TCF12: variants seen among roughly 807,000 people sequenced by gnomAD.
TCF12 encodes the protein transcription factor 12.
In TCF12, 45 loss-of-function variants were observed where a neutral mutation model predicts 86.0. The ratio of observed to expected loss-of-function variants is 0.52; its 90% CI spans 0.41 to 0.67. The LOEUF (loss-of-function observed/expected upper bound fraction) is 0.67. Among genes scored for constraint, TCF12 ranks in the 30% least tolerant of loss-of-function variants. TCF12 has a pLI of 0.00. For synonymous variants in TCF12, 330 were observed against 299.6 expected (o/e 1.10, Z -1.05); for missense variants, 881 against 859.9 (o/e 1.02, Z -0.31).
rs539031767 is a variant in TCF12 at position 56,940,917 on chromosome 15, C to CTT, written c.148+19834_148+19835dup. ...GTGTGCGTGACCATGCCCAGCTGCT[C>CTT]TTTTTTTTTTTTTTTTCTTTTTGGG... On this transcript the variant is annotated intron_variant, in intron 3 of 20. Coordinates refer to ENST00000333725, the MANE Select transcript of TCF12 (RefSeq NM_207037.2). Among the ~76,000 whole-genome samples the CTT allele has an allele frequency of 1.8e-3, 247 of 134,430 alleles. 1 individual carries two copies. The highest frequency in any genetic ancestry group is 2.1e-3 in the Non-Finnish European group (131 of 62,988). The allele number at this position is 134,430 out of a possible 152,430, so 88.2% of individuals were successfully genotyped here.
chr15:57,015,313 A>T (rs916402917), intron 3 of TCF12, among the ~76,000 whole-genome samples: 2 of 152,124 alleles, frequency 1.3e-5, no homozygotes, highest in Non-Finnish European at 2.9e-5. Flanking sequence ...ACCAAAATTC[A>T]GATGCTTTAA....
intron 3 of TCF12, among the ~76,000 whole-genome samples, chr15:56,979,223 G>C (rs867116098): frequency 1.3e-5 from 2 of 152,012 alleles, no homozygotes; most frequent in African/African-American, 2.4e-5. Context: ...GAAGCTACTG[G>C]ACAAAGTTTA....
intron 6 of TCF12, among the ~76,000 whole-genome samples, chr15:57,187,505 G>A (rs2056742568): frequency 6.6e-6 from 1 of 152,118 alleles, no homozygotes; most frequent in South Asian, 2.1e-4. Flanking sequence ...GATAGCTGAT[G>A]AGCAAAAAAA....
chr15:56,968,960 G>A (rs1273170946), intron 3 of TCF12, among the ~76,000 whole-genome samples: 1 of 152,180 alleles, frequency 6.6e-6, no homozygotes, highest in Non-Finnish European at 1.5e-5. Context: ...TGAGTCCTTG[G>A]TTAGCCTTCC....
intron 19 of TCF12, among the ~76,000 whole-genome samples, chr15:57,276,157 C>G (rs895675672): frequency 7.2e-5 from 11 of 152,178 alleles, no homozygotes; most frequent in South Asian, 2.1e-4. Flanking sequence ...GATGAGAGAA[C>G]TATTAGATTT....
intron 3 of TCF12, among the ~76,000 whole-genome samples, chr15:57,011,618 A>G (rs1251367031): frequency 1.3e-5 from 2 of 152,080 alleles, no homozygotes; most frequent in South Asian, 2.1e-4. Flanking sequence ...TTCATTAACA[A>G]AGACCCTTGT....
At chr15:57,052,889 T>G (rs1409348635) in intron 3 of TCF12, among the ~76,000 whole-genome samples, 1 of 152,196 alleles carries the variant, frequency 6.6e-6, no homozygotes, top group Non-Finnish European at 1.5e-5. Context: ...TTCCACATTT[T>G]TACTATTGTG....
intron 3 of TCF12, among the ~76,000 whole-genome samples, chr15:56,995,053 G>T (rs2063634443): frequency 6.6e-6 from 1 of 151,840 alleles, no homozygotes; most frequent in Admixed American, 6.6e-5. Context: ...GTAAAATATT[G>T]ATTCCAAATA....
chr15:57,210,128 C>T (rs2703600), intron 8 of TCF12, among the ~76,000 whole-genome samples: 31,398 of 151,774 alleles, frequency 0.21, 3,474 homozygotes, highest in Non-Finnish European at 0.24. Flanking sequence ...CTGTGTTACC[C>T]AGGAGCAACA....
At chr15:57,133,311 C>T (rs892519139) in intron 5 of TCF12, among the ~76,000 whole-genome samples, 1 of 152,208 alleles carries the variant, frequency 6.6e-6, no homozygotes, top group African/African-American at 2.4e-5. Context: ...AGTCAGTTGC[C>T]TCACTCGAAA....
At chr15:57,257,032 T>C (rs2060378781) in intron 16 of TCF12, among the ~76,000 whole-genome samples, 1 of 152,240 alleles carries the variant, frequency 6.6e-6, no homozygotes, top group South Asian at 2.1e-4. Context: ...TCACAACTAC[T>C]TAACTCTGAC....
chr15:57,154,945 T>G (rs952966507), intron 5 of TCF12, among the ~76,000 whole-genome samples: 19 of 152,224 alleles, frequency 1.2e-4, no homozygotes, highest in African/African-American at 4.6e-4. Context: ...TAATTACCCC[T>G]TGTTTGTCAC....
At chr15:57,171,108 A>G (rs2055459078) in intron 6 of TCF12, among the ~76,000 whole-genome samples, 1 of 151,942 alleles carries the variant, frequency 6.6e-6, no homozygotes. Context: ...CAGTTTATAA[A>G]CATTTTGGAG....
At chr15:57,150,449 G>A (rs2053657095) in intron 5 of TCF12, among the ~76,000 whole-genome samples, 1 of 152,130 alleles carries the variant, frequency 6.6e-6, no homozygotes, top group African/African-American at 2.4e-5. Flanking sequence ...GGGTATTCTT[G>A]ACCCACTGTT....
At position 57,136,974 on chromosome 15, in the gene TCF12, T is replaced by G. The variant is rs1378721520; in HGVS notation, c.326-29428T>G. 2.4e-3 allele frequency among the ~76,000 whole-genome samples: 158 copies of G among 64,618 alleles called. 1 individual carries two copies. Among genetic ancestry groups the G allele is most frequent in the African/African-American group, 7.5e-3 (149 of 19,960 alleles). 42.4% of individuals were successfully genotyped at this position (64,618 alleles called of 152,430 possible). On this transcript the variant is annotated intron_variant, in intron 5 of 20. Transcript: ENST00000333725. ...CTTCTGGCAGTTTTTTTTTTTGTTT[T>G]TTTTTTTTTTTTTTTTTTTTTTTGA... is the stretch of plus-strand genomic sequence containing the variant.
intron 4 of TCF12, among the ~76,000 whole-genome samples, chr15:57,086,206 G>C (rs1255579952): frequency 4.5e-5 from 2 of 44,168 alleles, no homozygotes; most frequent in African/African-American, 1.8e-4. Flanking sequence ...TAACTTGGAT[G>C]ATGATGATAA....
intron 3 of TCF12, among the ~76,000 whole-genome samples, chr15:57,010,259 T>C (rs1267784926): frequency 6.6e-6 from 1 of 151,854 alleles, no homozygotes; most frequent in Non-Finnish European, 1.5e-5. Context: ...ACATTCATTA[T>C]ATTTGCTGGT....
intron 4 of TCF12, among the ~76,000 whole-genome samples, chr15:57,064,079 G>T (rs2068663940): frequency 6.6e-6 from 1 of 152,154 alleles, no homozygotes; most frequent in Non-Finnish European, 1.5e-5. Flanking sequence ...AAAGAGCTTA[G>T]AATGCATAAG....
At chr15:56,942,782 C>G (rs975529499) in intron 3 of TCF12, among the ~76,000 whole-genome samples, 14 of 152,062 alleles carry the variant, frequency 9.2e-5, no homozygotes, top group African/African-American at 3.4e-4. Flanking sequence ...CCATTTCTTT[C>G]TTTAAAGACT....
Sources: allele counts gnomAD v4.1 joint callset (sites outside exome capture counted in the v4.1 genomes callset), GRCh38; gene constraint gnomAD v4.1.1; transcripts MANE v1.5; gene names NCBI Gene and HGNC (gene_info 2026-07-23, HGNC 2026-07-21).